SMAD3: variants seen among roughly 807,000 people sequenced by gnomAD.
SMAD3 encodes the protein SMAD family member 3.
A neutral mutation model predicts 51.8 loss-of-function variants in SMAD3; 12 were observed. The ratio of observed to expected loss-of-function variants is 0.23; its 90% CI spans 0.15 to 0.38. The LOEUF (loss-of-function observed/expected upper bound fraction) is 0.38. Ranked by LOEUF, SMAD3 falls within the 10% of genes least tolerant of loss-of-function variation. The pLI, the probability that SMAD3 is intolerant of heterozygous loss-of-function variation, is 1.00. For synonymous variants in SMAD3, 238 were observed against 227.7 expected (o/e 1.05, Z -0.41); for missense variants, 294 against 565.6 (o/e 0.52, Z 4.87).
chr15:67,106,751 G>A (rs1347582196), intron 1 of SMAD3, among the ~76,000 whole-genome samples: 2 of 152,142 alleles, frequency 1.3e-5, no homozygotes, highest in Admixed American at 6.5e-5. Context: ...TACCCGCGTG[G>A]TAGCCACTGA....
intron 1 of SMAD3, among the ~76,000 whole-genome samples, chr15:67,080,063 G>A (rs932551509): frequency 5.3e-5 from 8 of 152,226 alleles, no homozygotes; most frequent in African/African-American, 1.9e-4. Context: ...TATTAATTAC[G>A]GTCCTTGGCC....
intron 1 of SMAD3, among the ~76,000 whole-genome samples, chr15:67,084,114 C>CCT (rs1476280282): frequency 1.6e-5 from 2 of 127,010 alleles, no homozygotes; most frequent in Non-Finnish European, 3.1e-5. Flanking sequence ...CTCGCTCTGT[C>CCT]GCCCAGGCTG....
chr15:67,138,183 C>A, intron 1 of SMAD3: 1 of 1,067,250 alleles, frequency 9.4e-7, no homozygotes, highest in Non-Finnish European at 1.4e-6. Flanking sequence ...GGCCAGAGAT[C>A]TGTCAGAGTT....
intron 1 of SMAD3, among the ~76,000 whole-genome samples, chr15:67,069,790 T>C (rs190981091): frequency 1.3e-5 from 2 of 152,052 alleles, no homozygotes; most frequent in Non-Finnish European, 2.9e-5. Context: ...CACTGCAACC[T>C]CTGCCTCCCG....
At chr15:67,172,793 C>G (rs1318759446) in intron 5 of SMAD3, among the ~76,000 whole-genome samples, 1 of 152,182 alleles carries the variant, frequency 6.6e-6, no homozygotes, top group Non-Finnish European at 1.5e-5. Flanking sequence ...ATGACACTGC[C>G]TTGCTGGGCC....
chr15:67,194,997 A>G lies in SMAD3; in HGVS notation c.*4461A>G, dbSNP rs559937993. The stretch of plus-strand genomic sequence containing the variant: ...ACTATTCGGCCAGCCTGACCTTTTA[A>G]TAACTTTGTAAAAAGCATGTATGTA... On this transcript the variant is annotated 3_prime_UTR_variant, in exon 9 of 9. Transcript: ENST00000327367. 4.3e-6 allele frequency: 1 copy of G among 233,728 alleles called. No homozygotes were observed. The highest frequency in any genetic ancestry group is 6.0e-5 in the East Asian group (1 of 16,716). The allele number at this position is 233,728 out of a possible 1,614,324, so 14.5% of individuals were successfully genotyped here. A position where few individuals can be genotyped will look rare whatever the true frequency, so the allele number is the denominator to read the frequency against.
chr15:67,160,632 G>A (rs1052953978), intron 1 of SMAD3, among the ~76,000 whole-genome samples: 3 of 151,898 alleles, frequency 2.0e-5, no homozygotes, highest in South Asian at 2.1e-4. Flanking sequence ...TTAGCCGGGC[G>A]CGGTGCCAGG....
chr15:67,152,463 G>A (rs1353710166), intron 1 of SMAD3, among the ~76,000 whole-genome samples: 1 of 152,206 alleles, frequency 6.6e-6, no homozygotes, highest in African/African-American at 2.4e-5. Flanking sequence ...ACCTGGCTTT[G>A]TGACTTACTC....
intron 1 of SMAD3, among the ~76,000 whole-genome samples, chr15:67,114,597 A>G (rs1309739551): frequency 6.6e-6 from 1 of 152,210 alleles, no homozygotes; most frequent in Non-Finnish European, 1.5e-5. Context: ...AGATGGGGAA[A>G]TGGAGGTTCA....
intron 8 of SMAD3, among the ~76,000 whole-genome samples, chr15:67,189,380 G>A (rs1963302089): frequency 6.6e-6 from 1 of 152,198 alleles, no homozygotes; most frequent in African/African-American, 2.4e-5. Context: ...ACTGTTCCTG[G>A]TGTGGCATTG....
At position 67,119,395 on chromosome 15, in the gene SMAD3, G is replaced by A. The variant is rs1961207790; in HGVS notation, c.207-45500G>A. 2.6e-5 allele frequency among the ~76,000 whole-genome samples: 4 copies of A among 152,194 alleles called. No homozygotes were observed. The South Asian group carries it at 8.3e-4, about 32-fold the overall frequency. On this transcript the variant is annotated intron_variant, in intron 1 of 8. Coordinates refer to ENST00000327367, the MANE Select transcript of SMAD3 (RefSeq NM_005902.4). ...GAGGCCCATAGTCAATGGGAGGTGG[G>A]CAGTAGACACAGAGAGCTGGGTTAT...
intron 1 of SMAD3, among the ~76,000 whole-genome samples, chr15:67,093,688 A>G (rs1960554877): frequency 6.6e-6 from 1 of 152,236 alleles, no homozygotes; most frequent in African/African-American, 2.4e-5. Context: ...TAAGAAGGGA[A>G]AGAGGAACTG....
At chr15:67,146,067 A>G (rs1961967450) in intron 1 of SMAD3, 1 of 152,244 alleles carries the variant, frequency 6.6e-6, no homozygotes, top group African/African-American at 2.4e-5. Context: ...ACTTGCTTCT[A>G]GGAAGCAACT....
At chr15:67,108,974 G>GA (rs1210944621) in intron 1 of SMAD3, among the ~76,000 whole-genome samples, 1 of 152,234 alleles carries the variant, frequency 6.6e-6, no homozygotes, top group Non-Finnish European at 1.5e-5. Flanking sequence ...AGGCATGTTT[G>GA]AAATAGGCTT....
intron 1 of SMAD3, among the ~76,000 whole-genome samples, chr15:67,121,853 T>C (rs1252734761): frequency 6.6e-6 from 1 of 152,270 alleles, no homozygotes; most frequent in East Asian, 1.9e-4. Flanking sequence ...GTCCCACCAC[T>C]GTGCTAGGCA....
chr15:67,119,761 A>T (rs1279820844), intron 1 of SMAD3, among the ~76,000 whole-genome samples: 1 of 152,176 alleles, frequency 6.6e-6, no homozygotes, highest in Non-Finnish European at 1.5e-5. Context: ...GAAATAACAT[A>T]GGTTGGATTT....
chr15:67,170,805 G>T, intron 5 of SMAD3: 1 of 574,430 alleles, frequency 1.7e-6, no homozygotes, highest in East Asian at 2.9e-5. Context: ...TGGCAGGAAA[G>T]ACAACCATAT....
chr15:67,121,671 G>A (rs1184864119), intron 1 of SMAD3, among the ~76,000 whole-genome samples: 2 of 152,044 alleles, frequency 1.3e-5, no homozygotes, highest in African/African-American at 4.8e-5. Context: ...TACACCGAGA[G>A]AATGGTTTCT....
At chr15:67,101,695 A>G (rs1960761658) in intron 1 of SMAD3, among the ~76,000 whole-genome samples, 1 of 152,260 alleles carries the variant, frequency 6.6e-6, no homozygotes, top group Non-Finnish European at 1.5e-5. Flanking sequence ...GCAAGGAATG[A>G]CAAGATCGAG....
Sources: allele counts gnomAD v4.1 joint callset (sites outside exome capture counted in the v4.1 genomes callset), GRCh38; gene constraint gnomAD v4.1.1; transcripts MANE v1.5; gene names NCBI Gene and HGNC (gene_info 2026-07-23, HGNC 2026-07-21).